BRD1: variants seen among roughly 807,000 people sequenced by gnomAD.
The protein encoded by BRD1 is bromodomain containing 1.
A neutral mutation model predicts 107.7 loss-of-function variants in BRD1; 24 were observed. The observed-to-expected ratio is 0.22, with a 90% CI of 0.16 to 0.31. BRD1 has a LOEUF of 0.31. Ranked by LOEUF, BRD1 falls within the 10% of genes least tolerant of loss-of-function variation. The pLI is 1.00. For synonymous variants in BRD1, 744 were observed against 686.1 expected (o/e 1.08, Z -1.32); for missense variants, 1,279 against 1,638.6 (o/e 0.78, Z 3.79).
In BRD1 at chr22:49,827,803, C is replaced by A. The variant is rs1053420351; in HGVS notation, c.-321G>T. 6.9e-6 allele frequency among the ~76,000 whole-genome samples: 1 copy of A among 145,248 alleles called. No individual in the cohort carries two copies. ...GCGGGAGCGGGCGGCGGGCGGCGGG[C>A]GCGGGACGCGGGGCTGGCTCGGACT... On this transcript the variant is annotated 5_prime_UTR_variant, in exon 1 of 13. Transcript: ENST00000404760.
chr22:49,824,223 G>A lies in BRD1; in HGVS notation c.95C>T (p.Thr32Ile), dbSNP rs962200186. ...TACCATCCTTTGAGCTTGAGCGTAG[G>A]TCAGCGTTTCTCGCGTAGGGGAGTG... ...VKHSPTRETLTYAQAQRMVEI... is the reference protein window; with the variant it reads ...VKHSPTRETLIYAQAQRMVEI... Residue 32 changes from threonine to isoleucine, a missense_variant, in exon 2 of 13, where the codon ACC (threonine) becomes ATC (isoleucine). This residue lies in a region of BRD1 where 223 missense variants were observed against 263.5 expected (regional missense o/e 0.85). Transcript: ENST00000404760. This position sits in a 1 kb window ranked among gnomAD's most constrained non-coding sequence, Gnocchi z 5.9. 1.9e-6 allele frequency: 3 copies of A among 1,613,912 alleles called. No homozygotes were observed. In the African/African-American group the frequency reaches 4.0e-5, roughly 22 times the overall value.
Position 49,803,336 on chromosome 22 carries a change from G to A in BRD1, c.1524+868C>T, listed in dbSNP as rs577547212. Among the ~76,000 whole-genome samples the A allele has an allele frequency of 3.9e-4, 59 of 152,330 alleles. No individual in the cohort carries two copies. The highest frequency in any genetic ancestry group is 1.1e-3 in the African/African-American group (47 of 41,578). ...GCAGAGCAGGATGGTTTCGCTTCGT[G>A]CCCAGGATGGCAGTGAAAAGCACCA... is the stretch of plus-strand genomic sequence containing the variant. On this transcript the variant is annotated intron_variant, in intron 3 of 12. Coordinates refer to ENST00000404760, the MANE Select transcript of BRD1 (RefSeq NM_001304808.3). The surrounding 1 kb of genome is among the most constrained non-coding windows in gnomAD (Gnocchi z 4.4).
intron 7 of BRD1, among the ~76,000 whole-genome samples, chr22:49,790,081 C>T (rs2059404071): frequency 6.6e-6 from 1 of 152,252 alleles, no homozygotes; most frequent in Admixed American, 6.5e-5. Flanking sequence ...TCCTGCAGCA[C>T]TGACCAGAGG....
intron 3 of BRD1, among the ~76,000 whole-genome samples, chr22:49,800,767 T>A (rs2059625902): frequency 1.3e-5 from 2 of 152,122 alleles, no homozygotes; most frequent in South Asian, 4.1e-4. Context: ...ATATTTCCCA[T>A]GTAAAAATCA....
chr22:49,798,357 A>C (rs2059575570), intron 5 of BRD1, among the ~76,000 whole-genome samples: 1 of 152,254 alleles, frequency 6.6e-6, no homozygotes, highest in African/African-American at 2.4e-5. Flanking sequence ...CTGTCTGCAC[A>C]GGGCCTCTTG....
chr22:49,800,013 C>T (rs1201542523), intron 3 of BRD1, among the ~76,000 whole-genome samples: 10 of 152,188 alleles, frequency 6.6e-5, no homozygotes, highest in Non-Finnish European at 1.5e-4. Context: ...CTGCAGGACA[C>T]GCGCGCCCTG....
In BRD1 at chr22:49,823,610, C is replaced by G; in HGVS notation, c.708G>C (p.Met236Ile). The change falls in exon 2 of 13, where the codon ATG (methionine) becomes ATC (isoleucine). Residue 236 changes from methionine (M) to isoleucine (I), a missense_variant. Physicochemically the swap from Met to Ile is conservative, Grantham distance 10. Transcript: ENST00000404760. Reference sequence around the variant, plus strand: ...ACTCCTGGTGCACGGCCAGGTTGCACATGTCGCAGAAGAGGATCACGTTGC... The same window carrying G: ...ACTCCTGGTGCACGGCCAGGTTGCAGATGTCGCAGAAGAGGATCACGTTGC... ...QNSNVILFCD[M>I]CNLAVHQECY... 1 of 1,609,434 alleles carries G rather than the reference C, an allele frequency of 6.2e-7. No homozygotes were observed. Among genetic ancestry groups the G allele is most frequent in the Non-Finnish European group, 8.5e-7 (1 of 1,177,250 alleles).
rs781676075 is a variant in BRD1, at chr22:49,797,894, A to G, written c.2009T>C (p.Val670Ala). 4.3e-6 allele frequency: 7 copies of G among 1,613,814 alleles called. No homozygotes were observed. The highest frequency in any genetic ancestry group is 5.9e-6 in the Non-Finnish European group (7 of 1,180,032). ...GVVLRQARRE[V>A]DSIGLEEASG... ...GGCCTCTTCCAAGCCGATGCTGTCC[A>G]CCTCGCGCCGGGCCTGCCTCAGAAC... The change falls in exon 6 of 13, where the codon GTG (valine) becomes GCG (alanine). Residue 670 changes from valine to alanine, a missense_variant. Coordinates refer to ENST00000404760, the MANE Select transcript of BRD1 (RefSeq NM_001304808.3).
intron 2 of BRD1, among the ~76,000 whole-genome samples, chr22:49,814,409 G>A (rs1797732810): frequency 6.6e-6 from 1 of 152,156 alleles, no homozygotes; most frequent in East Asian, 1.9e-4. Context: ...CCAGAGCCCT[G>A]AATCTCACCT....
intron 3 of BRD1, among the ~76,000 whole-genome samples, chr22:49,799,904 G>A (rs540234896): frequency 5.3e-5 from 8 of 152,320 alleles, no homozygotes; most frequent in East Asian, 1.9e-4. Flanking sequence ...AGGCCTGCTC[G>A]TCACAGTGCC....
intron 6 of BRD1, among the ~76,000 whole-genome samples, chr22:49,795,518 A>G (rs2059513825): frequency 1.3e-5 from 2 of 152,216 alleles, no homozygotes; most frequent in Non-Finnish European, 2.9e-5. Context: ...AGGCCTCCAC[A>G]CCTGCTCTGT....
intron 7 of BRD1, among the ~76,000 whole-genome samples, chr22:49,791,145 T>C (rs928114038): frequency 2.0e-5 from 3 of 152,214 alleles, no homozygotes; most frequent in African/African-American, 7.2e-5. Flanking sequence ...ATCCCAGCTG[T>C]GGCGTGGCCC....
At position 49,822,946 on chromosome 22, in the gene BRD1, C is replaced by T. The variant is rs773768492; in HGVS notation, c.1367+5G>A. 2 of 1,613,104 alleles carry T rather than the reference C, an allele frequency of 1.2e-6. No homozygotes were observed. Among genetic ancestry groups the T allele is most frequent in the South Asian group, 1.1e-5 (1 of 91,062 alleles). ...CTTGTGGACTCAATGCTTGGACACG[C>T]TTACCTCTGCGGGGGAATATAAGGA... On this transcript the variant is annotated splice_donor_5th_base_variant and intron_variant, in intron 2 of 12. Coordinates refer to ENST00000404760, the MANE Select transcript of BRD1 (RefSeq NM_001304808.3).
intron 7 of BRD1, among the ~76,000 whole-genome samples, chr22:49,788,899 T>C (rs1177666256): frequency 2.0e-5 from 3 of 152,256 alleles, no homozygotes; most frequent in African/African-American, 7.2e-5. Context: ...CTGCAAACTT[T>C]CCTAAAACCG....
In BRD1 at chr22:49,774,433, A is replaced by T. The variant is rs200409917; in HGVS notation, c.3387-17T>A. ...AGCCACTGCCTTTTTAAAAGGAAAA[A>T]CAAGCGGAAAATCATTGCTTGCACA... is the stretch of plus-strand genomic sequence containing the variant. On this transcript the variant is annotated splice_polypyrimidine_tract_variant and intron_variant, in intron 12 of 12. Coordinates refer to ENST00000404760, the MANE Select transcript of BRD1 (RefSeq NM_001304808.3). 1.9e-6 allele frequency: 3 copies of T among 1,597,362 alleles called. No individual in the cohort carries two copies. Among genetic ancestry groups the T allele is most frequent in the African/African-American group, 1.3e-5 (1 of 74,396 alleles).
intron 7 of BRD1, among the ~76,000 whole-genome samples, chr22:49,788,644 TG>T (rs1037924918): frequency 1.3e-5 from 2 of 152,280 alleles, no homozygotes; most frequent in African/African-American, 4.8e-5. Flanking sequence ...GGCTGGTCTG[TG>T]GGGCTCTGTG....
chr22:49,778,384 G>C (rs2059140903), intron 8 of BRD1, among the ~76,000 whole-genome samples: 1 of 152,340 alleles, frequency 6.6e-6, no homozygotes, highest in Non-Finnish European at 1.5e-5. Context: ...ACAAAATCCG[G>C]GGCCATCGCC....
chr22:49,775,779 G>A, intron 11 of BRD1, 34 bp from the exon 12 acceptor site: 1 of 1,584,514 alleles, frequency 6.3e-7, no homozygotes, highest in South Asian at 1.1e-5. Context: ...GTCATTGTGA[G>A]GCTCACACCC....
rs1041832288 is a variant in BRD1 at position 49,803,818 on chromosome 22, G to C, written c.1524+386C>G. Among the ~76,000 whole-genome samples the C allele has an allele frequency of 6.6e-6, 1 of 152,060 alleles. No individual in the cohort carries two copies. The highest frequency in any genetic ancestry group is 1.5e-5 in the Non-Finnish European group (1 of 68,010). ...CACAGACCCCCACCCACATGGCCCG[G>C]GTGTGCTCACCGGGTCCCACTCCTG... On this transcript the variant is annotated intron_variant, in intron 3 of 12. Transcript: ENST00000404760. The surrounding 1 kb of genome is among the most constrained non-coding windows in gnomAD (Gnocchi z 4.4).
Sources: gnomAD v4.1 joint callset for allele counts (sites outside exome capture counted in the v4.1 genomes callset) on GRCh38, gnomAD v4.1.1 for gene constraint, gnomAD v4.1.1 regional missense constraint, Gnocchi (gnomAD v3.1) non-coding constraint, MANE v1.5 for transcripts, NCBI Gene and HGNC (gene_info 2026-07-23, HGNC 2026-07-21) for gene names.